The following SS18L2 variants were observed in gnomAD, a reference collection of about 807,000 sequenced individuals.
SS18L2 encodes the protein SS18 like 2.
In SS18L2, 8 loss-of-function variants were observed where a neutral mutation model predicts 10.3. The observed-to-expected ratio is 0.78, with a 90% confidence interval of 0.46 to 1.41. The LOEUF is 1.41. SS18L2 is among the 40% of genes most tolerant of loss of function. The pLI, the probability that SS18L2 is intolerant of heterozygous loss-of-function variation, is 0.00. For missense variants in SS18L2, 100 were observed against 96.2 expected (o/e 1.04, Z -0.17); for synonymous variants, 41 against 34.6 (o/e 1.19, Z -0.65).
intron 1 of SS18L2, among the ~76,000 whole-genome samples, chr3:42,583,750 G>T (rs1208527939): frequency 6.6e-6 from 1 of 152,182 alleles, no homozygotes; most frequent in Non-Finnish European, 1.5e-5. Flanking sequence ...GCAGAGGAAA[G>T]GCAAATTCTC....
intron 2 of SS18L2, among the ~76,000 whole-genome samples, chr3:42,593,832 C>G (rs141265679): frequency 6.6e-6 from 1 of 152,136 alleles, no homozygotes; most frequent in Non-Finnish European, 1.5e-5. Flanking sequence ...AGGGAGCCAG[C>G]TATGCAGTAG....
intron 1 of SS18L2, among the ~76,000 whole-genome samples, chr3:42,585,606 G>C (rs1704584422): frequency 6.6e-6 from 1 of 152,102 alleles, no homozygotes; most frequent in Admixed American, 6.6e-5. Flanking sequence ...TGAGAGTTCA[G>C]GGTTTATCAC....
chr3:42,586,943 C>G (rs145797372), upstream of SS18L2, among the ~76,000 whole-genome samples: 263 of 152,302 alleles, frequency 1.7e-3, 2 homozygotes, highest in African/African-American at 6.3e-3. Flanking sequence ...GGGGCATCAC[C>G]AGTTTCTCAG....
Position 42,590,875 on chromosome 3 carries a change from C to A in SS18L2, c.-23C>A. ...ATCGTGGGTCGAGTTGCTTGGCGGT[C>A]GTGGTTCCGGAGGTTCCTCGGGATG... On this transcript the variant is annotated 5_prime_UTR_variant, in exon 1 of 3. Transcript: ENST00000011691. 1 of 1,599,408 alleles carries A rather than the reference C, an allele frequency of 6.3e-7. No individual in the cohort carries two copies. The highest frequency in any genetic ancestry group is 8.5e-7 in the Non-Finnish European group (1 of 1,170,614).
chr3:42,584,475 C>T (rs907600883), intron 1 of SS18L2, among the ~76,000 whole-genome samples: 2 of 152,136 alleles, frequency 1.3e-5, no homozygotes, highest in African/African-American at 2.4e-5. Flanking sequence ...AGTTTGGTCT[C>T]GAAATCCTGG....
chr3:42,585,976 G>A (rs12494584), upstream of SS18L2, among the ~76,000 whole-genome samples: 1,018 of 151,468 alleles, frequency 6.7e-3, 32 homozygotes, highest in Admixed American at 0.048. Flanking sequence ...AGGAACCTCC[G>A]TTACTGAAGA....
chr3:42,584,751 G>C lies in SS18L2; in HGVS notation c.-90+2793G>C, dbSNP rs116162833. Among the ~76,000 whole-genome samples the C allele has an allele frequency of 3.0e-3, 463 of 152,316 alleles. 3 individuals carry two copies. Among genetic ancestry groups the C allele is most frequent in the African/African-American group, 0.011 (447 of 41,568 alleles). ...CAATGAGTCTCTGATAATGAGGGTAGGTCATAACAGGCACAAAGAAGGAGA... is the reference window on the plus strand; with the variant it reads ...CAATGAGTCTCTGATAATGAGGGTACGTCATAACAGGCACAAAGAAGGAGA... On this transcript the variant is annotated intron_variant, in intron 1 of 3. Coordinates refer to the SS18L2 transcript ENST00000447630.
At chr3:42,587,999 G>A (rs1447353718), upstream of SS18L2, among the ~76,000 whole-genome samples, 7 of 151,824 alleles carry the variant, frequency 4.6e-5, no homozygotes, top group African/African-American at 1.2e-4. Flanking sequence ...CTGGAACCCC[G>A]GAGGTGGAGG....
At chr3:42,585,908 T>TC (rs1241338002), upstream of SS18L2, among the ~76,000 whole-genome samples, 6 of 151,996 alleles carry the variant, frequency 3.9e-5, no homozygotes, top group African/African-American at 1.4e-4. Flanking sequence ...CTTCCAAATA[T>TC]CCTGCATGCT....
In SS18L2 at chr3:42,594,486, A is replaced by T; in HGVS notation, c.211A>T (p.Ser71Cys). Residue 71 changes from serine (S) to cysteine (C), a missense_variant, in exon 3 of 3, where the codon AGC (serine) becomes TGC (cysteine). By Grantham distance (112) the Ser-to-Cys change is moderately radical. Coordinates refer to ENST00000011691, the MANE Select transcript of SS18L2 (RefSeq NM_001370300.1). The part of the protein sequence containing the change: ...LATIADASPT[S>C]TSKAME ...TACCATTGCAGATGCCAGTCCAACC[A>T]GCACTTCAAAAGCAATGGAATAATC... is the stretch of plus-strand genomic sequence containing the variant. 3 of 1,614,000 alleles carry T rather than the reference A, an allele frequency of 1.9e-6. No individual in the cohort carries two copies. The highest frequency in any genetic ancestry group is 2.5e-6 in the Non-Finnish European group (3 of 1,179,858).
chr3:42,588,169 C>G (rs184486027), upstream of SS18L2, among the ~76,000 whole-genome samples: 60 of 151,270 alleles, frequency 4.0e-4, no homozygotes, highest in East Asian at 6.1e-3. Flanking sequence ...TTTGGGAGGC[C>G]GAGGCAGACA....
At chr3:42,588,603 A>T (rs1340840249), upstream of SS18L2, among the ~76,000 whole-genome samples, 1 of 152,166 alleles carries the variant, frequency 6.6e-6, no homozygotes, top group East Asian at 1.9e-4. Flanking sequence ...GAAATTTTGC[A>T]TAAGATTGGT....
At chr3:42,588,603 A>G (rs1340840249), upstream of SS18L2, among the ~76,000 whole-genome samples, 1 of 152,166 alleles carries the variant, frequency 6.6e-6, no homozygotes, top group Non-Finnish European at 1.5e-5. Context: ...GAAATTTTGC[A>G]TAAGATTGGT....
chr3:42,593,042 AT>A (rs1414043229), intron 2 of SS18L2, among the ~76,000 whole-genome samples: 1 of 152,248 alleles, frequency 6.6e-6, no homozygotes, highest in African/African-American at 2.4e-5. Flanking sequence ...AATAAAAAAA[AT>A]ACAGTATAAC....
upstream of SS18L2, among the ~76,000 whole-genome samples, chr3:42,589,193 C>T (rs559250046): frequency 1.4e-3 from 219 of 151,278 alleles, no homozygotes; most frequent in Non-Finnish European, 2.9e-3. Context: ...CGCTTGAACC[C>T]GGGAGGCAGA....
chr3:42,589,157 T>A (rs1704721882), upstream of SS18L2, among the ~76,000 whole-genome samples: 1 of 151,666 alleles, frequency 6.6e-6, no homozygotes, highest in Middle Eastern at 3.2e-3. Flanking sequence ...TAATTCCAGC[T>A]ACTCAGCAGG....
At chr3:42,581,897 C>T (rs1318093789) in exon 1 of SS18L2, 1 of 152,344 alleles carries the variant, frequency 6.6e-6, no homozygotes, top group African/African-American at 2.4e-5. Context: ...TACCCGCCGC[C>T]TCCTCAGCAA....
chr3:42,589,030 C>T (rs540253065), upstream of SS18L2, among the ~76,000 whole-genome samples: 15 of 151,912 alleles, frequency 9.9e-5, no homozygotes, highest in African/African-American at 3.6e-4. Context: ...TTTTGGAGGC[C>T]GAAGCGGGCG....
In SS18L2 at chr3:42,596,027, G is replaced by C. The variant is rs1215972598; in HGVS notation, c.*1518G>C. Among the ~76,000 whole-genome samples, 1 of 151,148 alleles carries C rather than the reference G, an allele frequency of 6.6e-6. No homozygotes were observed. The highest frequency in any genetic ancestry group is 1.5e-5 in the Non-Finnish European group (1 of 67,776). On this transcript the variant is annotated 3_prime_UTR_variant, in exon 3 of 3. Coordinates refer to ENST00000011691, the MANE Select transcript of SS18L2 (RefSeq NM_001370300.1). ...CTTTTTTTTGGTTTTGTTTTGTTTT[G>C]TTTTTGTTTTTGTTTTTTTTTGAGA...
Sources: gnomAD v4.1 joint callset for allele counts (sites outside exome capture counted in the v4.1 genomes callset) on GRCh38, gnomAD v4.1.1 for gene constraint, MANE v1.5 for transcripts, NCBI Gene and HGNC (gene_info 2026-07-23, HGNC 2026-07-21) for gene names.